The following MAGI2 variants were observed in gnomAD, a reference collection of about 807,000 sequenced individuals.
MAGI2 encodes membrane-associated guanylate kinase, WW and PDZ domain-containing protein 2.
MAGI2 carries 35 observed loss-of-function variants against 133.3 expected under a neutral mutation model. The observed-to-expected ratio is 0.26, with a 90% CI of 0.20 to 0.35. The LOEUF (loss-of-function observed/expected upper bound fraction) is 0.35. Among genes scored for constraint, MAGI2 ranks in the 10% least tolerant of loss-of-function variants. The probability of loss-of-function intolerance (pLI) is 1.00; values close to 1 mark genes in which losing one functional copy is unlikely to be tolerated. For missense variants in MAGI2, 1,636 were observed against 1,863.4 expected (o/e 0.88, Z 2.25); for synonymous variants, 729 against 710.6 (o/e 1.03, Z -0.41).
intron 3 of MAGI2, among the ~76,000 whole-genome samples, chr7:78,580,374 C>T (rs566621421): frequency 6.6e-6 from 1 of 152,120 alleles, no homozygotes; most frequent in Admixed American, 6.5e-5. Flanking sequence ...TTCTTCTAAA[C>T]AAGGTAATGA....
At chr7:78,275,225 C>T (rs11764014) in intron 9 of MAGI2, among the ~76,000 whole-genome samples, 29,473 of 152,054 alleles carry the variant, frequency 0.19, 3,263 homozygotes, top group South Asian at 0.31. Context: ...CTTGTGCTTC[C>T]CAGGTGAGGT....
intron 2 of MAGI2, among the ~76,000 whole-genome samples, chr7:78,970,054 A>G (rs894073749): frequency 3.3e-5 from 5 of 152,050 alleles, no homozygotes; most frequent in African/African-American, 9.7e-5. Flanking sequence ...TCCACATTCC[A>G]TCTAATATCC....
At chr7:79,445,896 G>A (rs1363516024) in intron 1 of MAGI2, among the ~76,000 whole-genome samples, 1 of 152,180 alleles carries the variant, frequency 6.6e-6, no homozygotes, top group African/African-American at 2.4e-5. Flanking sequence ...ATTCACAATA[G>A]CAAGGACTTG....
intron 6 of MAGI2, among the ~76,000 whole-genome samples, chr7:78,395,715 A>G (rs1435191835): frequency 2.0e-5 from 3 of 152,148 alleles, no homozygotes; most frequent in African/African-American, 7.2e-5. Flanking sequence ...TCTTTTTTCT[A>G]TTTTATACTA....
chr7:78,128,182 T>A (rs1045564873), intron 18 of MAGI2, among the ~76,000 whole-genome samples: 1 of 152,236 alleles, frequency 6.6e-6, no homozygotes, highest in Non-Finnish European at 1.5e-5. Context: ...TAGTTACTAA[T>A]GAAATAAACA....
intron 21 of MAGI2, among the ~76,000 whole-genome samples, chr7:78,037,348 G>A (rs1810338512): frequency 6.6e-6 from 1 of 152,126 alleles, no homozygotes; most frequent in African/African-American, 2.4e-5. Flanking sequence ...TTCTACTCCT[G>A]TGTTGTGAAA....
intron 2 of MAGI2, among the ~76,000 whole-genome samples, chr7:78,650,901 G>A (rs779993993): frequency 9.9e-5 from 15 of 152,020 alleles, no homozygotes; most frequent in East Asian, 1.9e-4. Flanking sequence ...CTTTGTATCC[G>A]AACAGATAGT....
At chr7:79,068,213 G>C (rs749946591) in intron 1 of MAGI2, among the ~76,000 whole-genome samples, 2 of 152,090 alleles carry the variant, frequency 1.3e-5, no homozygotes, top group Non-Finnish European at 2.9e-5. Flanking sequence ...GGTAGAATTC[G>C]GCTGTGAATC....
intron 2 of MAGI2, among the ~76,000 whole-genome samples, chr7:78,903,285 C>T (rs552113664): frequency 2.4e-4 from 36 of 149,246 alleles, no homozygotes; most frequent in African/African-American, 8.4e-4. Context: ...GCTCCGCCTC[C>T]CGGGTTCACG....
chr7:79,115,138 C>T (rs1365354336), intron 1 of MAGI2, among the ~76,000 whole-genome samples: 1 of 152,134 alleles, frequency 6.6e-6, no homozygotes, highest in South Asian at 2.1e-4. Context: ...GCATCTGCTC[C>T]TGAAATGTTC....
chr7:78,253,575 A>G (rs545449289), intron 10 of MAGI2: 30 of 152,330 alleles, frequency 2.0e-4, no homozygotes, highest in Admixed American at 1.2e-3. Flanking sequence ...TATCCCATCT[A>G]TATTAAACAT....
At chr7:79,146,438 G>C (rs1188635556) in intron 1 of MAGI2, among the ~76,000 whole-genome samples, 22 of 152,092 alleles carry the variant, frequency 1.4e-4, no homozygotes, top group Admixed American at 1.2e-3. Flanking sequence ...CCTCCTGTAG[G>C]GTCCAATCTT....
chr7:78,285,383 T>C (rs1796039575), intron 9 of MAGI2, among the ~76,000 whole-genome samples: 1 of 152,190 alleles, frequency 6.6e-6, no homozygotes, highest in African/African-American at 2.4e-5. Flanking sequence ...ATTCAATTTT[T>C]TGAATGCTTC....
chr7:78,414,669 C>A (rs1335627815), intron 6 of MAGI2, among the ~76,000 whole-genome samples: 1 of 151,952 alleles, frequency 6.6e-6, no homozygotes, highest in South Asian at 2.1e-4. Context: ...CACACCCCTG[C>A]CCCCCTTCTT....
intron 2 of MAGI2, among the ~76,000 whole-genome samples, chr7:78,648,289 A>G (rs1197726036): frequency 6.6e-6 from 1 of 152,208 alleles, no homozygotes; most frequent in Non-Finnish European, 1.5e-5. Flanking sequence ...TCATCCTTGT[A>G]ACAAGGAAAA....
intron 1 of MAGI2, among the ~76,000 whole-genome samples, chr7:79,294,941 T>C (rs1836812837): frequency 6.6e-6 from 1 of 151,416 alleles, no homozygotes; most frequent in Non-Finnish European, 1.5e-5. Context: ...GGTTTCACCG[T>C]GTTAGCCACG....
intron 6 of MAGI2, among the ~76,000 whole-genome samples, chr7:78,463,903 G>A (rs1331913248): frequency 6.6e-6 from 1 of 152,066 alleles, no homozygotes; most frequent in Non-Finnish European, 1.5e-5. Flanking sequence ...AATGAAAGAA[G>A]GGAGGAAGGT....
chr7:79,425,516 A>T (rs188467392), intron 1 of MAGI2, among the ~76,000 whole-genome samples: 1 of 151,398 alleles, frequency 6.6e-6, no homozygotes, highest in African/African-American at 2.4e-5. Flanking sequence ...GAATACTAAC[A>T]TCCTAAAGCT....
Position 78,897,850 on chromosome 7 carries a change from C to G in MAGI2, c.418+109240G>C, listed in dbSNP as rs551135528. ...CAATCACAATGAAAACAAAAATTGACAAACGAGATCTAATTAAACTTAAGG... is the reference window on the plus strand; with the variant it reads ...CAATCACAATGAAAACAAAAATTGAGAAACGAGATCTAATTAAACTTAAGG... On this transcript the variant is annotated intron_variant, in intron 2 of 21. Coordinates refer to ENST00000354212, the MANE Select transcript of MAGI2 (RefSeq NM_012301.4). 6.3e-4 allele frequency among the ~76,000 whole-genome samples: 96 copies of G among 152,204 alleles called. 1 individual carries two copies. In the South Asian group the frequency reaches 0.018, roughly 29 times the overall value.
Sources: gnomAD v4.1 joint callset for allele counts (sites outside exome capture counted in the v4.1 genomes callset) on GRCh38, gnomAD v4.1.1 for gene constraint, MANE v1.5 for transcripts, NCBI Gene and HGNC (gene_info 2026-07-23, HGNC 2026-07-21) for gene names.